Variants in DNAH7 observed in about 807,000 individuals in gnomAD.
DNAH7 encodes the protein dynein axonemal heavy chain 7.
In DNAH7, 397 loss-of-function variants were observed where a neutral mutation model predicts 444.6. The observed-to-expected ratio is 0.89, with a 90% CI of 0.82 to 0.97. The LOEUF is 0.97. Ranked by LOEUF, DNAH7 falls within the 50% of genes least tolerant of loss-of-function variation. DNAH7 has a pLI of 0.00. For missense variants in DNAH7, 4,902 were observed against 4,800.8 expected (o/e 1.02, Z -0.62); for synonymous variants, 1,636 against 1,624.4 (o/e 1.01, Z -0.17).
At chr2:195,989,742 T>G (rs745684124) in intron 12 of DNAH7, among the ~76,000 whole-genome samples, 11 of 152,156 alleles carry the variant, frequency 7.2e-5, no homozygotes, top group African/African-American at 1.2e-4. Context: ...CAAGTTCTCA[T>G]GAGATCTGGT....
At chr2:195,799,840 C>A (rs979877428) in intron 54 of DNAH7, among the ~76,000 whole-genome samples, 18 of 152,084 alleles carry the variant, frequency 1.2e-4, no homozygotes, top group African/African-American at 4.3e-4. Flanking sequence ...TTAAGTTGTG[C>A]AAAATTTCCC....
intron 41 of DNAH7, 79 bp from the exon 42 acceptor site, chr2:195,862,025 T>C (rs1700044925): frequency 1.8e-6 from 2 of 1,088,920 alleles, no homozygotes; most frequent in African/African-American, 3.1e-5. Context: ...CTTTACAACT[T>C]ATGGATGTTG....
intron 20 of DNAH7, 77 bp downstream of exon 20, chr2:195,936,522 T>C (rs1689062995): frequency 2.7e-5 from 25 of 928,284 alleles, no homozygotes; most frequent in Non-Finnish European, 3.1e-6. Flanking sequence ...ATTATATATA[T>C]TTATGTTCTA....
rs554623256 is a variant in DNAH7, at chr2:195,744,145, G to A, written c.11765-3276C>T. Among the ~76,000 whole-genome samples, 271 of 152,316 alleles carry A rather than the reference G, an allele frequency of 1.8e-3. 1 individual carries two copies. The highest frequency in any genetic ancestry group is 3.1e-3 in the Non-Finnish European group (209 of 68,022). On this transcript the variant is annotated intron_variant, in intron 63 of 64. Coordinates refer to ENST00000312428, the MANE Select transcript of DNAH7 (RefSeq NM_018897.3). ...GGTGACAGACACCACCTGGAAAATCGGGTCACTCCCACCCTAATACTGCCC... is the reference window on the plus strand; with the variant it reads ...GGTGACAGACACCACCTGGAAAATCAGGTCACTCCCACCCTAATACTGCCC...
At chr2:196,000,949 C>T in intron 11 of DNAH7, 66 bp from the exon 12 acceptor site, 1 of 1,305,854 alleles carries the variant, frequency 7.7e-7, no homozygotes, top group Non-Finnish European at 1.0e-6. Context: ...AGTAGTACAC[C>T]AGTCCCAATT....
chr2:196,040,432 C>G (rs1352688594), intron 5 of DNAH7, among the ~76,000 whole-genome samples: 1 of 152,038 alleles, frequency 6.6e-6, no homozygotes. Context: ...ATTCATAAAT[C>G]AATATATGTG....
intron 54 of DNAH7, among the ~76,000 whole-genome samples, chr2:195,800,072 G>A (rs1479246116): frequency 6.6e-6 from 1 of 152,140 alleles, no homozygotes; most frequent in East Asian, 1.9e-4. Flanking sequence ...CTTGATTTGG[G>A]GGTGGAATTG....
chr2:196,018,445 C>A (rs1695159260), intron 9 of DNAH7, among the ~76,000 whole-genome samples: 1 of 151,712 alleles, frequency 6.6e-6, no homozygotes, highest in South Asian at 2.1e-4. Flanking sequence ...AACAAAGGGA[C>A]CAGTGAATAA....
chr2:195,984,570 C>T lies in DNAH7; in HGVS notation c.1833+62G>A, dbSNP rs148055220. The T allele has an allele frequency of 2.5e-3, 3,513 of 1,418,800 alleles. 25 individuals carry two copies. Among genetic ancestry groups the T allele is most frequent in the Middle Eastern group, 8.3e-3 (43 of 5,198 alleles). 87.9% of individuals were successfully genotyped at this position (1,418,800 alleles called of 1,614,324 possible). On this transcript the variant is annotated intron_variant, in intron 15 of 64. Coordinates refer to ENST00000312428, the MANE Select transcript of DNAH7 (RefSeq NM_018897.3). The stretch of plus-strand genomic sequence containing the variant: ...TAACTTTTCGAGTGATTTGTTACTC[C>T]GCATTATTGTGTCAATAATTAATTG...
Position 195,737,835 on chromosome 2 carries a change from C to CAAA in DNAH7, c.*83_*85dup, listed in dbSNP as rs890091945. On this transcript the variant is annotated 3_prime_UTR_variant, in exon 65 of 65. Transcript: ENST00000312428. ...CTTTAGTCAAATGTATTTAAACAAA[C>CAAA]AAAAAAAAAGGTTTAAGTAGTAAAA... The CAAA allele has an allele frequency of 5.0e-6, 6 of 1,189,240 alleles. No individual in the cohort carries two copies. Among genetic ancestry groups the CAAA allele is most frequent in the African/African-American group, 1.6e-5 (1 of 63,076 alleles). The allele number at this position is 1,189,240 out of a possible 1,614,324, so 73.7% of individuals were successfully genotyped here.
rs139332957 is a variant in DNAH7, at chr2:195,914,885, C to T, written c.3936-4690G>A. On this transcript the variant is annotated intron_variant, in intron 24 of 64. Coordinates refer to ENST00000312428, the MANE Select transcript of DNAH7 (RefSeq NM_018897.3). ...CCATGTTGGCTAGGCTGGTCTCAAA[C>T]TCCTAACCTCAGGTGATCCACCCGC... 2.0e-4 allele frequency among the ~76,000 whole-genome samples: 30 copies of T among 152,284 alleles called. No individual in the cohort carries two copies. In the East Asian group the frequency reaches 3.9e-3, roughly 20 times the overall value.
intron 43 of DNAH7, 145 bp downstream of exon 43, chr2:195,858,329 A>G (rs1699828157): frequency 1.4e-6 from 1 of 717,686 alleles, no homozygotes; most frequent in East Asian, 2.9e-5. Flanking sequence ...CAATTAGGGA[A>G]TTCTTTTGCC....
chr2:196,015,921 G>C (rs1025545702), intron 9 of DNAH7, among the ~76,000 whole-genome samples: 2 of 152,262 alleles, frequency 1.3e-5, no homozygotes, highest in South Asian at 2.1e-4. Flanking sequence ...GGCAACATAG[G>C]AGCTTGTGGA....
intron 19 of DNAH7, among the ~76,000 whole-genome samples, chr2:195,952,289 C>A (rs758987836): frequency 2.0e-5 from 3 of 152,172 alleles, no homozygotes; most frequent in Non-Finnish European, 4.4e-5. Context: ...AGGGCTTCTG[C>A]AGAGAGATCT....
intron 56 of DNAH7, among the ~76,000 whole-genome samples, chr2:195,796,331 G>A (rs777997237): frequency 3.3e-5 from 5 of 152,140 alleles, no homozygotes; most frequent in South Asian, 4.2e-4. Flanking sequence ...CAGGATTGAG[G>A]ATATTTCCAT....
chr2:195,793,540 T>C (rs889779360), intron 57 of DNAH7, among the ~76,000 whole-genome samples: 5 of 152,220 alleles, frequency 3.3e-5, no homozygotes, highest in Non-Finnish European at 7.3e-5. Flanking sequence ...CCCTAATCAA[T>C]ACAAAAGCTA....
intron 28 of DNAH7, among the ~76,000 whole-genome samples, chr2:195,898,880 A>G (rs1686522691): frequency 6.6e-6 from 1 of 152,204 alleles, no homozygotes; most frequent in African/African-American, 2.4e-5. Flanking sequence ...GTTCACATGA[A>G]TTTACAAAAA....
chr2:195,852,074 T>C (rs182938335), intron 46 of DNAH7, among the ~76,000 whole-genome samples: 43 of 152,126 alleles, frequency 2.8e-4, no homozygotes, highest in East Asian at 2.1e-3. Flanking sequence ...CTGGCTAACA[T>C]GGTGAAACCC....
At chr2:195,976,916 T>C (rs966262652) in intron 15 of DNAH7, among the ~76,000 whole-genome samples, 8 of 152,144 alleles carry the variant, frequency 5.3e-5, no homozygotes, top group Admixed American at 2.0e-4. Flanking sequence ...AGATCCACAG[T>C]GTTACTGGGC....
Sources: allele counts gnomAD v4.1 joint callset (sites outside exome capture counted in the v4.1 genomes callset), GRCh38; gene constraint gnomAD v4.1.1; transcripts MANE v1.5; gene names NCBI Gene and HGNC (gene_info 2026-07-23, HGNC 2026-07-21).